DDX39B: variants seen among roughly 807,000 people sequenced by gnomAD.
The protein encoded by DDX39B is spliceosome RNA helicase DDX39B.
DDX39B carries 6 observed loss-of-function variants against 46.4 expected under a neutral mutation model. The observed-to-expected ratio is 0.13, with a 90% CI of 0.07 to 0.26. The LOEUF (loss-of-function observed/expected upper bound fraction) is 0.26. Ranked by LOEUF, DDX39B falls within the 10% of genes least tolerant of loss-of-function variation. The probability of loss-of-function intolerance (pLI) is 1.00; values close to 1 mark genes in which losing one functional copy is unlikely to be tolerated. For missense variants in DDX39B, 185 were observed against 553.4 expected (o/e 0.33, Z 6.68); for synonymous variants, 174 against 199.4 (o/e 0.87, Z 1.07).
At chr6:31,541,195 T>C (rs545685811) in intron 1 of DDX39B, 3 of 533,614 alleles carry the variant, frequency 5.6e-6, no homozygotes, top group East Asian at 1.1e-4. Context: ...CCACCTCCCA[T>C]AGCTCTCAGC....
Position 31,540,255 on chromosome 6 carries a change from C to T in DDX39B, c.211+67G>A. 1.9e-6 allele frequency: 3 copies of T among 1,545,192 alleles called. No homozygotes were observed. The South Asian group carries it at 3.4e-5, about 17-fold the overall frequency. ...ACCCTTACCACCACCTGAGCAACGA[C>T]AAACACATCTTTGTATTGTACCCTT... is the stretch of plus-strand genomic sequence containing the variant. On this transcript the variant is annotated intron_variant, in intron 2 of 10. Coordinates refer to ENST00000396172, the MANE Select transcript of DDX39B (RefSeq NM_004640.7).
intron 1 of DDX39B, chr6:31,541,684 A>G (rs527623773): frequency 1.9e-4 from 98 of 516,246 alleles, no homozygotes; most frequent in East Asian, 1.1e-3. Flanking sequence ...GAGGCCTCCA[A>G]TATGAGAAGA....
At chr6:31,541,254 T>A in intron 1 of DDX39B, 1 of 530,190 alleles carries the variant, frequency 1.9e-6, no homozygotes, top group South Asian at 1.4e-5. Flanking sequence ...AAGCCTTGTG[T>A]AATTAGCATG....
In DDX39B at chr6:31,536,484, C is replaced by A. The variant is rs1767797271; in HGVS notation, c.616+16G>T. On this transcript the variant is annotated intron_variant, in intron 5 of 10. Transcript: ENST00000396172. The stretch of plus-strand genomic sequence containing the variant: ...CAACTCCCCAGCATTAGCCAAGCCC[C>A]AGCACTGCCACTCACCGAGCTGTTC... 1.2e-6 allele frequency: 2 copies of A among 1,613,022 alleles called. No homozygotes were observed. Among genetic ancestry groups the A allele is most frequent in the Admixed American group, 1.7e-5 (1 of 60,002 alleles).
At position 31,531,655 on chromosome 6, in the gene DDX39B, T is replaced by C; in HGVS notation, c.868-250A>G. Reference sequence around the variant, plus strand: ...CAGAAATCAAAATTGCCAGACATGCTAGGAGATGAGGATGAGATCACCTCA... The same window carrying C: ...CAGAAATCAAAATTGCCAGACATGCCAGGAGATGAGGATGAGATCACCTCA... On this transcript the variant is annotated intron_variant, in intron 7 of 10. Transcript: ENST00000396172. This position sits in a 1 kb window ranked among gnomAD's most constrained non-coding sequence, Gnocchi z 5.8. 1 of 520,052 alleles carries C rather than the reference T, an allele frequency of 1.9e-6. No individual in the cohort carries two copies. 32.2% of individuals were successfully genotyped at this position (520,052 alleles called of 1,614,324 possible).
In DDX39B at chr6:31,536,323, A is replaced by T. The variant is rs187210056; in HGVS notation, c.616+177T>A. On this transcript the variant is annotated intron_variant, in intron 5 of 10. Coordinates refer to ENST00000396172, the MANE Select transcript of DDX39B (RefSeq NM_004640.7). Reference sequence around the variant, plus strand: ...AAAAATCATAGAAAGATGATAGATGACACCCTTTACTGTGCTTAAAAGCAT... The same window carrying T: ...AAAAATCATAGAAAGATGATAGATGTCACCCTTTACTGTGCTTAAAAGCAT... 245 of 875,030 alleles carry T rather than the reference A, an allele frequency of 2.8e-4. 2 individuals carry two copies. In the African/African-American group the frequency reaches 2.8e-3, roughly 10 times the overall value. The allele number at this position is 875,030 out of a possible 1,614,324, so 54.2% of individuals were successfully genotyped here.
chr6:31,541,326 C>T, intron 1 of DDX39B: 1 of 412,180 alleles, frequency 2.4e-6, no homozygotes, highest in Non-Finnish European at 5.0e-6. Flanking sequence ...CATGTCTCCA[C>T]CCTACAATAA....
At position 31,531,111 on chromosome 6, in the gene DDX39B, C is replaced by T. The variant is rs370219054; in HGVS notation, c.1064G>A (p.Arg355Gln). 3 of 1,614,168 alleles carry T rather than the reference C, an allele frequency of 1.9e-6. No homozygotes were observed. Among genetic ancestry groups the T allele is most frequent in the African/African-American group, 2.7e-5 (2 of 75,032 alleles). Residue 355 changes from arginine to glutamine, a missense_variant, in exon 9 of 11, where the codon CGG becomes CAG. Coordinates refer to ENST00000396172, the MANE Select transcript of DDX39B (RefSeq NM_004640.7). The surrounding 1 kb of genome is among the most constrained non-coding windows in gnomAD (Gnocchi z 5.8). ...NLFGRGMDIE[R>Q]VNIAFNYDMP... The stretch of plus-strand genomic sequence containing the variant: ...GTCATAATTAAAAGCAATGTTCACC[C>T]GCTCGATGTCCATGCCTCGGCCAAA...
At position 31,531,435 on chromosome 6, in the gene DDX39B, A is replaced by T; in HGVS notation, c.868-30T>A. On this transcript the variant is annotated intron_variant, in intron 7 of 10. Coordinates refer to ENST00000396172, the MANE Select transcript of DDX39B (RefSeq NM_004640.7). The surrounding 1 kb of genome is among the most constrained non-coding windows in gnomAD (Gnocchi z 5.8). Reference sequence around the variant, plus strand: ...TGTGGGGTGGGGTGGGGGGTCGCAAATTGGGGGAATAGGGGTCCATGGTGT... The same window carrying T: ...TGTGGGGTGGGGTGGGGGGTCGCAATTTGGGGGAATAGGGGTCCATGGTGT... 3.8e-6 allele frequency: 6 copies of T among 1,565,426 alleles called. No homozygotes were observed. Among genetic ancestry groups the T allele is most frequent in the Non-Finnish European group, 5.3e-6 (6 of 1,137,226 alleles).
chr6:31,540,255 C>A (rs1768256392), intron 2 of DDX39B, 67 bp downstream of exon 2: 2 of 1,545,194 alleles, frequency 1.3e-6, no homozygotes, highest in Admixed American at 3.4e-5. Context: ...TGAGCAACGA[C>A]AAACACATCT....
intron 7 of DDX39B, chr6:31,532,562 T>C: frequency 2.0e-6 from 1 of 511,238 alleles, no homozygotes; most frequent in Non-Finnish European, 3.4e-6. Context: ...TTTTGAAGTT[T>C]ATTTTCCTTG....
At chr6:31,541,497 A>G (rs1768445060) in intron 1 of DDX39B, 2 of 388,562 alleles carry the variant, frequency 5.1e-6, no homozygotes, top group Admixed American at 7.2e-5. Context: ...GGCACTCCAA[A>G]TTAAGTTGGG....
rs1396190774 is a variant in DDX39B at position 31,531,276 on chromosome 6, C to CT, written c.977+19dup. ...TTTTTCTCCCAAGGACACAAAATAT[C>CT]TTTCCCATCTTCAGCTCACCTCTCC... On this transcript the variant is annotated intron_variant, in intron 8 of 10. Coordinates refer to ENST00000396172, the MANE Select transcript of DDX39B (RefSeq NM_004640.7). This position sits in a 1 kb window ranked among gnomAD's most constrained non-coding sequence, Gnocchi z 5.8. 1.2e-6 allele frequency: 2 copies of CT among 1,614,152 alleles called. No homozygotes were observed. Among genetic ancestry groups the CT allele is most frequent in the South Asian group, 2.2e-5 (2 of 91,082 alleles).
Position 31,535,281 on chromosome 6 carries a change from T to G in DDX39B, c.735+86A>C, listed in dbSNP as rs756207054. 28 of 1,333,660 alleles carry G rather than the reference T, an allele frequency of 2.1e-5. No homozygotes were observed. The highest frequency in any genetic ancestry group is 2.8e-5 in the Non-Finnish European group (26 of 926,710). The allele number at this position is 1,333,660 out of a possible 1,614,324, so 82.6% of individuals were successfully genotyped here. A position where few individuals can be genotyped will look rare whatever the true frequency, so the allele number is the denominator to read the frequency against. On this transcript the variant is annotated intron_variant, in intron 6 of 10. Coordinates refer to ENST00000396172, the MANE Select transcript of DDX39B (RefSeq NM_004640.7). This position sits in a 1 kb window ranked among gnomAD's most constrained non-coding sequence, Gnocchi z 4.6. ...ACAAGCCGCCTTCTTGGCACTTGAA[T>G]GACAAGGGAGTCTGAGGAAGAGGGC...
Position 31,535,084 on chromosome 6 carries a change from A to G in DDX39B, c.735+283T>C, listed in dbSNP as rs3093976. On this transcript the variant is annotated intron_variant, in intron 6 of 10. Transcript: ENST00000396172. This position sits in a 1 kb window ranked among gnomAD's most constrained non-coding sequence, Gnocchi z 4.6. ...GGGCAGAAAAATCCTGCCCTCCCCC[A>G]AAGGGAGAAGAGGTTCAAAAATGTT... is the stretch of plus-strand genomic sequence containing the variant. 0.85 allele frequency: 403,452 copies of G among 476,068 alleles called. 171,753 individuals carry two copies. Among genetic ancestry groups the G allele is most frequent in the South Asian group, 0.93 (40,499 of 43,654 alleles). The allele number at this position is 476,068 out of a possible 1,614,324, so 29.5% of individuals were successfully genotyped here. A position where few individuals can be genotyped will look rare whatever the true frequency, so the allele number is the denominator to read the frequency against.
At position 31,534,416 on chromosome 6, in the gene DDX39B, C is replaced by A; in HGVS notation, c.735+951G>T. On this transcript the variant is annotated intron_variant, in intron 6 of 10. Coordinates refer to ENST00000396172, the MANE Select transcript of DDX39B (RefSeq NM_004640.7). The surrounding 1 kb of genome is among the most constrained non-coding windows in gnomAD (Gnocchi z 5.1). Reference sequence around the variant, plus strand: ...ACACTGCAGGGAGGGGAAGAACACACTCCACTGCTTATGCAATTGGCCCCA... The same window carrying A: ...ACACTGCAGGGAGGGGAAGAACACAATCCACTGCTTATGCAATTGGCCCCA... The A allele has an allele frequency of 2.2e-6, 1 of 464,986 alleles. No homozygotes were observed. The highest frequency in any genetic ancestry group is 4.4e-6 in the Non-Finnish European group (1 of 225,056). The allele number at this position is 464,986 out of a possible 1,614,324, so 28.8% of individuals were successfully genotyped here. A position where few individuals can be genotyped will look rare whatever the true frequency, so the allele number is the denominator to read the frequency against.
Position 31,531,863 on chromosome 6 carries a change from C to G in DDX39B, c.868-458G>C. The G allele has an allele frequency of 6.1e-6, 1 of 163,450 alleles. No homozygotes were observed. Among genetic ancestry groups the G allele is most frequent in the East Asian group, 1.8e-4 (1 of 5,558 alleles). The allele number at this position is 163,450 out of a possible 1,614,324, so 10.1% of individuals were successfully genotyped here. A position where few individuals can be genotyped will look rare whatever the true frequency, so the allele number is the denominator to read the frequency against. On this transcript the variant is annotated intron_variant, in intron 7 of 10. Coordinates refer to ENST00000396172, the MANE Select transcript of DDX39B (RefSeq NM_004640.7). The surrounding 1 kb of genome is among the most constrained non-coding windows in gnomAD (Gnocchi z 5.8). ...ATGGGGTCTCACTCTGTCCCCCAGA[C>G]TGGAGTGCAGTGGTGCAATCGCAAG... is the stretch of plus-strand genomic sequence containing the variant.
rs559336012 is a variant in DDX39B at position 31,534,577 on chromosome 6, C to T, written c.735+790G>A. 396 of 457,024 alleles carry T rather than the reference C, an allele frequency of 8.7e-4. No individual in the cohort carries two copies. The highest frequency in any genetic ancestry group is 1.6e-3 in the Non-Finnish European group (361 of 223,224). The allele number at this position is 457,024 out of a possible 1,614,324, so 28.3% of individuals were successfully genotyped here. A position where few individuals can be genotyped will look rare whatever the true frequency, so the allele number is the denominator to read the frequency against. ...ACCACCCCATTCAGGACACCCCTCC[C>T]CAACACATATTGGGGGAAACGGGGC... On this transcript the variant is annotated intron_variant, in intron 6 of 10. Coordinates refer to ENST00000396172, the MANE Select transcript of DDX39B (RefSeq NM_004640.7). This position sits in a 1 kb window ranked among gnomAD's most constrained non-coding sequence, Gnocchi z 5.1.
chr6:31,541,233 G>A (rs748763580), intron 1 of DDX39B: 6 of 532,996 alleles, frequency 1.1e-5, no homozygotes, highest in African/African-American at 3.9e-5. Flanking sequence ...CCTCCCTTCC[G>A]CTGTTTAAGC....
Sources: gnomAD v4.1 joint callset for allele counts on GRCh38, gnomAD v4.1.1 for gene constraint, Gnocchi (gnomAD v3.1) non-coding constraint, MANE v1.5 for transcripts, NCBI Gene and HGNC (gene_info 2026-07-23, HGNC 2026-07-21) for gene names.